Variants in POLR1C observed in about 807,000 individuals in gnomAD.
POLR1C encodes the protein DNA-directed RNA polymerases I and III subunit RPAC1.
POLR1C carries 42 observed loss-of-function variants against 38.3 expected under a neutral mutation model. The observed-to-expected ratio is 1.10, with a 90% confidence interval of 0.86 to 1.42. POLR1C has a LOEUF of 1.42. Among genes scored for constraint, POLR1C ranks in the 40% most tolerant of loss-of-function variants. The pLI, the probability that POLR1C is intolerant of heterozygous loss-of-function variation, is 0.00. For synonymous variants in POLR1C, 163 were observed against 163.9 expected (o/e 0.99, Z 0.04); for missense variants, 507 against 450.5 (o/e 1.13, Z -1.14).
chr6:43,532,577 T>C (rs1442488528), downstream of POLR1C, among the ~76,000 whole-genome samples: 1 of 152,222 alleles, frequency 6.6e-6, no homozygotes, highest in East Asian at 1.9e-4. Flanking sequence ...TACCAAGGCC[T>C]TTTTCTCTTG....
At chr6:43,536,189 C>T (rs969831394) in intron 9 of POLR1C, among the ~76,000 whole-genome samples, 20 of 143,370 alleles carry the variant, frequency 1.4e-4, no homozygotes, top group South Asian at 4.5e-4. Flanking sequence ...CTAAGGCAGA[C>T]GGATCACCTG....
chr6:43,548,189 C>A (rs981524215), intron 9 of POLR1C: 6 of 1,453,766 alleles, frequency 4.1e-6, no homozygotes, highest in Non-Finnish European at 3.7e-6. Flanking sequence ...CCCTACCCCA[C>A]CCTGGGCCTA....
At chr6:43,552,395 C>A (rs1049119812) in intron 10 of POLR1C, among the ~76,000 whole-genome samples, 9 of 151,958 alleles carry the variant, frequency 5.9e-5, no homozygotes, top group African/African-American at 2.2e-4. Context: ...CTCTGTCACA[C>A]AGGCTGGAGT....
intron 9 of POLR1C, among the ~76,000 whole-genome samples, chr6:43,545,632 G>T (rs1331489356): frequency 6.6e-6 from 1 of 152,082 alleles, no homozygotes; most frequent in East Asian, 1.9e-4. Flanking sequence ...GCTTAAGCCT[G>T]GGAGGCGGAG....
At chr6:43,525,519 A>G, downstream of POLR1C, 1 of 501,588 alleles carries the variant, frequency 2.0e-6, no homozygotes, top group Non-Finnish European at 3.5e-6. Context: ...CCAGTCAAAA[A>G]GAAAAAATCA....
rs1477659106 is a variant in POLR1C, at chr6:43,555,545, T to C, written c.*48+4534T>C. ...AAATTTGTTAAGCTGGTGCCTGAAG[T>C]GAAGCAAATAAAATCAACAATAAAT... On this transcript the variant is annotated intron_variant, in intron 10 of 10. Transcript: ENST00000607635. 1.8e-5 allele frequency: 4 copies of C among 224,028 alleles called. No individual in the cohort carries two copies. The East Asian group carries it at 3.8e-4, about 21-fold the overall frequency. The allele number at this position is 224,028 out of a possible 1,614,324, so 13.9% of individuals were successfully genotyped here.
intron 8 of POLR1C, chr6:43,528,251 T>C (rs994055392): frequency 1.3e-6 from 2 of 1,541,018 alleles, no homozygotes; most frequent in Non-Finnish European, 8.8e-7. Flanking sequence ...GGGAAAGGAT[T>C]GGAACACATA....
rs1250092531 is a variant in POLR1C at position 43,519,522 on chromosome 6, C to T, written c.249+82C>T. 2.2e-6 allele frequency: 3 copies of T among 1,339,010 alleles called. No individual in the cohort carries two copies. The East Asian group carries it at 6.9e-5, about 31-fold the overall frequency. 82.9% of individuals were successfully genotyped at this position (1,339,010 alleles called of 1,614,324 possible). A position where few individuals can be genotyped will look rare whatever the true frequency, so the allele number is the denominator to read the frequency against. On this transcript the variant is annotated intron_variant, in intron 3 of 8. Transcript: ENST00000642195. ...CACTTGGAGAATTAAGTGTCTCAAG[C>T]TGTCCTTCCCTCCTTAATTTTCCTG...
chr6:43,520,568 G>A, intron 6 of POLR1C, 57 bp from the exon 7 acceptor site: 1 of 1,601,566 alleles, frequency 6.2e-7, no homozygotes. Flanking sequence ...CTTAGGAGGA[G>A]TATTCTTCCT....
At chr6:43,549,902 T>G in intron 9 of POLR1C, 1 of 1,611,428 alleles carries the variant, frequency 6.2e-7, no homozygotes, top group South Asian at 1.1e-5. Flanking sequence ...CCTTACTTTC[T>G]TCAACAGTTT....
intron 9 of POLR1C, among the ~76,000 whole-genome samples, chr6:43,547,070 A>C (rs1419625082): frequency 6.6e-6 from 1 of 152,196 alleles, no homozygotes; most frequent in Non-Finnish European, 1.5e-5. Flanking sequence ...CAAAGTGTTT[A>C]AAATGCCATC....
At chr6:43,517,758 A>G (rs1792912223) in intron 2 of POLR1C, among the ~76,000 whole-genome samples, 1 of 152,194 alleles carries the variant, frequency 6.6e-6, no homozygotes, top group Admixed American at 6.5e-5. Context: ...AAAAAAGAAC[A>G]GGAGTTAAAT....
downstream of POLR1C, chr6:43,526,051 G>C: frequency 2.1e-6 from 2 of 933,682 alleles, no homozygotes; most frequent in Admixed American, 2.2e-5. Context: ...GTAGTACTAG[G>C]AGCCCTCCCA....
chr6:43,551,156 T>G, intron 10 of POLR1C: 1 of 771,932 alleles, frequency 1.3e-6, no homozygotes, highest in South Asian at 3.0e-5. Context: ...CTCAGAAGGG[T>G]GAGGTGTGAG....
downstream of POLR1C, among the ~76,000 whole-genome samples, chr6:43,522,088 A>G (rs1431011646): frequency 1.3e-5 from 2 of 152,250 alleles, no homozygotes; most frequent in African/African-American, 4.8e-5. Flanking sequence ...AACAAAGAAC[A>G]GTAGCAATTC....
Position 43,520,303 on chromosome 6 carries a change from C to T in POLR1C, c.531C>T (p.Pro177=), listed in dbSNP as rs1793081171. The T allele has an allele frequency of 6.2e-7, 1 of 1,613,062 alleles. No homozygotes were observed. ...KVYTRHMTWI[P]LGNQADLFPE... is the part of the protein sequence containing the mutation. ...ATACCAGGCATATGACATGGATCCC[C>T]CTGGGGAACCAGGCTGATCTCTTTC... is the stretch of plus-strand genomic sequence containing the variant. The change falls in exon 6 of 9, where the codon CCC becomes CCT. Residue 177 remains proline, a synonymous_variant. Coordinates refer to ENST00000642195, the MANE Select transcript of POLR1C (RefSeq NM_203290.4).
At chr6:43,558,818 C>CAG (rs1762251574) in intron 10 of POLR1C, 1 of 423,944 alleles carries the variant, frequency 2.4e-6, no homozygotes, top group Non-Finnish European at 4.2e-6. Context: ...TACCATCCTC[C>CAG]AAGTTCCTCA....
exon 11 of POLR1C, chr6:43,562,172 C>T: frequency 8.3e-7 from 1 of 1,205,824 alleles, no homozygotes; most frequent in Non-Finnish European, 1.2e-6. Context: ...TTTGCAACCC[C>T]TCATTGAAAC....
chr6:43,524,812 C>T (rs1406225911), downstream of POLR1C: 5 of 1,611,934 alleles, frequency 3.1e-6, no homozygotes, highest in South Asian at 2.2e-5. Flanking sequence ...CATCCTTCCC[C>T]CATGCCTTCC....
Sources: allele counts gnomAD v4.1 joint callset (sites outside exome capture counted in the v4.1 genomes callset), GRCh38; gene constraint gnomAD v4.1.1; transcripts MANE v1.5; gene names NCBI Gene and HGNC (gene_info 2026-07-23, HGNC 2026-07-21).